The following FAM222A variants were observed in gnomAD, a reference collection of about 807,000 sequenced individuals.
FAM222A encodes family with sequence similarity 222 member A.
FAM222A carries 7 observed loss-of-function variants against 25.8 expected under a neutral mutation model. That is an observed-to-expected ratio of 0.27 (90% CI 0.15 to 0.51). The LOEUF (loss-of-function observed/expected upper bound fraction) is 0.51. Ranked by LOEUF, FAM222A falls within the 20% of genes least tolerant of loss-of-function variation. The pLI is 0.97. For missense variants in FAM222A, 573 were observed against 640.5 expected (o/e 0.89, Z 1.14); for synonymous variants, 294 against 298.8 (o/e 0.98, Z 0.17).
At chr12:109,757,234 C>T (rs1244772471) in intron 2 of FAM222A, among the ~76,000 whole-genome samples, 2 of 152,224 alleles carry the variant, frequency 1.3e-5, no homozygotes, top group Non-Finnish European at 2.9e-5. Flanking sequence ...GGAAGAAATT[C>T]AGTCCCTACA....
intron 1 of FAM222A, among the ~76,000 whole-genome samples, chr12:109,737,446 G>T (rs1377075313): frequency 6.6e-6 from 1 of 152,110 alleles, no homozygotes; most frequent in African/African-American, 2.4e-5. Context: ...AAACCAAAGA[G>T]CCAGGTATGC....
intron 2 of FAM222A, chr12:109,744,525 A>T (rs1256735473): frequency 1.0e-6 from 1 of 985,186 alleles, no homozygotes; most frequent in African/African-American, 1.7e-5. Flanking sequence ...CTTCACCACC[A>T]TTATCTAGCC....
chr12:109,729,342 C>G (rs917321114), intron 1 of FAM222A, among the ~76,000 whole-genome samples: 1 of 152,210 alleles, frequency 6.6e-6, no homozygotes, highest in Non-Finnish European at 1.5e-5. Flanking sequence ...CCTGTATTGT[C>G]TGGGTGAGGG....
chr12:109,766,528 G>A (rs968191426), intron 2 of FAM222A, among the ~76,000 whole-genome samples: 13 of 152,242 alleles, frequency 8.5e-5, no homozygotes, highest in African/African-American at 1.4e-4. Context: ...TCGCCCTGGC[G>A]CTAAGCCCCA....
intron 2 of FAM222A, among the ~76,000 whole-genome samples, chr12:109,761,810 G>T (rs568799560): frequency 6.6e-6 from 1 of 152,052 alleles, no homozygotes; most frequent in Admixed American, 6.5e-5. Flanking sequence ...CTGGGGGGTC[G>T]TAGGAAGACC....
chr12:109,748,144 A>T (rs1888453845), intron 2 of FAM222A, among the ~76,000 whole-genome samples: 1 of 152,112 alleles, frequency 6.6e-6, no homozygotes, highest in African/African-American at 2.4e-5. Context: ...ATTTTTTCCC[A>T]TCGGTGAGTT....
chr12:109,723,374 C>A (rs922126038), intron 1 of FAM222A, among the ~76,000 whole-genome samples: 1 of 152,220 alleles, frequency 6.6e-6, no homozygotes, highest in African/African-American at 2.4e-5. Context: ...CTTCTTGGCA[C>A]CACTGTAGAT....
intron 1 of FAM222A, among the ~76,000 whole-genome samples, chr12:109,715,957 C>A (rs1460129458): frequency 6.6e-6 from 1 of 152,206 alleles, no homozygotes; most frequent in Admixed American, 6.5e-5. Context: ...CTGCCTGCTG[C>A]ACCCCTAGTC....
intron 2 of FAM222A, among the ~76,000 whole-genome samples, chr12:109,755,859 T>C (rs1001698789): frequency 6.6e-6 from 1 of 152,270 alleles, no homozygotes; most frequent in African/African-American, 2.4e-5. Flanking sequence ...TACCACATTG[T>C]CTTGATTCCT....
At chr12:109,736,458 G>A (rs1418842001) in intron 1 of FAM222A, among the ~76,000 whole-genome samples, 2 of 152,202 alleles carry the variant, frequency 1.3e-5, no homozygotes, top group Non-Finnish European at 2.9e-5. Context: ...GAGTTAGGGT[G>A]TAAAGCTCAG....
At chr12:109,758,635 C>T (rs2136373923) in intron 2 of FAM222A, among the ~76,000 whole-genome samples, 1 of 151,578 alleles carries the variant, frequency 6.6e-6, no homozygotes, top group East Asian at 1.9e-4. Context: ...CCTAGCCCAG[C>T]CGCCGTCCCT....
At chr12:109,744,851 G>C (rs563199859) in intron 2 of FAM222A, 1 of 852,882 alleles carries the variant, frequency 1.2e-6, no homozygotes, top group African/African-American at 1.8e-5. Flanking sequence ...CAGAGGCTCT[G>C]GTAACATAGG....
In FAM222A at chr12:109,762,685, G is replaced by T. The variant is rs1351293658; in HGVS notation, c.83-5327G>T. On this transcript the variant is annotated intron_variant, in intron 2 of 2. Transcript: ENST00000538780. ...AGTCTAGAGCCTTCACCAAGCTGGG[G>T]TCAGGGCCCCAAGTAGTCTGGGACC... Among the ~76,000 whole-genome samples the T allele has an allele frequency of 2.6e-5, 4 of 152,234 alleles. No individual in the cohort carries two copies. In the East Asian group the frequency reaches 7.7e-4, roughly 29 times the overall value.
chr12:109,769,459 G>C lies in FAM222A; in HGVS notation c.*171G>C, dbSNP rs953736037. 1 of 814,244 alleles carries C rather than the reference G, an allele frequency of 1.2e-6. No homozygotes were observed. Among genetic ancestry groups the C allele is most frequent in the Non-Finnish European group, 1.9e-6 (1 of 532,716 alleles). 50.4% of individuals were successfully genotyped at this position (814,244 alleles called of 1,614,324 possible). ...GCTGTGGCCGGATGGAGGGTGGCAG[G>C]GCAACCTCACATACCAAGGCCCCTC... On this transcript the variant is annotated 3_prime_UTR_variant, in exon 3 of 3. Coordinates refer to ENST00000538780, the MANE Select transcript of FAM222A (RefSeq NM_032829.3).
intron 2 of FAM222A, among the ~76,000 whole-genome samples, chr12:109,747,446 T>A (rs1888433681): frequency 6.6e-6 from 1 of 152,210 alleles, no homozygotes; most frequent in Non-Finnish European, 1.5e-5. Context: ...GTTCTCCCCC[T>A]CTACCCAAAT....
At chr12:109,752,691 C>T (rs956212351) in intron 2 of FAM222A, among the ~76,000 whole-genome samples, 34 of 152,346 alleles carry the variant, frequency 2.2e-4, no homozygotes, top group Non-Finnish European at 2.9e-5. Context: ...CAGCTCTGGC[C>T]CTCTGTGATG....
intron 2 of FAM222A, among the ~76,000 whole-genome samples, chr12:109,749,457 T>C (rs1048299235): frequency 3.9e-5 from 6 of 152,202 alleles, no homozygotes; most frequent in Non-Finnish European, 4.4e-5. Flanking sequence ...CAGAGAATCT[T>C]GTCTACTATT....
intron 1 of FAM222A, chr12:109,734,471 TGTCTCTCCCGGCACCC>T (rs1888029600): frequency 1.3e-5 from 2 of 151,974 alleles, no homozygotes; most frequent in South Asian, 4.2e-4. Context: ...TGGGGTTTCC[TGTCTCTCCCGGCACCC>T]GTCTCCACCT....
intron 2 of FAM222A, among the ~76,000 whole-genome samples, chr12:109,756,681 G>T (rs1888742343): frequency 6.6e-6 from 1 of 152,182 alleles, no homozygotes; most frequent in Non-Finnish European, 1.5e-5. Flanking sequence ...AACCAACCTT[G>T]CATTCCTGGG....
Sources: gnomAD v4.1 joint callset for allele counts (sites outside exome capture counted in the v4.1 genomes callset) on GRCh38, gnomAD v4.1.1 for gene constraint, MANE v1.5 for transcripts, NCBI Gene and HGNC (gene_info 2026-07-23, HGNC 2026-07-21) for gene names.